The following RBM45 variants were observed in gnomAD, a reference collection of about 807,000 sequenced individuals.
The protein encoded by RBM45 is RNA binding motif protein 45, also known as RNA-binding protein 45.
In RBM45, 39 loss-of-function variants were observed where a neutral mutation model predicts 58.5. The ratio of observed to expected loss-of-function variants is 0.67; its 90% CI spans 0.52 to 0.87. The LOEUF (loss-of-function observed/expected upper bound fraction) is 0.87. Among genes scored for constraint, RBM45 ranks in the 40% least tolerant of loss-of-function variants. The probability of loss-of-function intolerance (pLI) is 0.00; values close to 1 mark genes in which losing one functional copy is unlikely to be tolerated. For synonymous variants in RBM45, 193 were observed against 203.0 expected (o/e 0.95, Z 0.42); for missense variants, 481 against 581.6 (o/e 0.83, Z 1.78).
intron 9 of RBM45, among the ~76,000 whole-genome samples, chr2:178,127,999 T>TTG (rs2087956174): frequency 7.2e-6 from 1 of 138,370 alleles, no homozygotes; most frequent in Admixed American, 7.3e-5. Flanking sequence ...ACGCCCTTTT[T>TTG]TTTTTTTTTT....
chr2:178,134,934 G>A (rs772779767), intron 3 of RBM45, among the ~76,000 whole-genome samples: 6 of 152,212 alleles, frequency 3.9e-5, no homozygotes, highest in Non-Finnish European at 7.3e-5. Flanking sequence ...GAAGGAGGCT[G>A]ACGCGGAGGT....
chr2:178,131,628 CCTAGT>C (rs2088006556), downstream of RBM45, among the ~76,000 whole-genome samples: 1 of 152,178 alleles, frequency 6.6e-6, no homozygotes, highest in Non-Finnish European at 1.5e-5. Context: ...TTCTTTGAAT[CCTAGT>C]ATAAATTCTA....
At chr2:178,129,014 A>G (rs917150311) in intron 9 of RBM45, among the ~76,000 whole-genome samples, 3 of 152,206 alleles carry the variant, frequency 2.0e-5, no homozygotes, top group African/African-American at 4.8e-5. Context: ...TCTCTGAGGT[A>G]TGGGCCTGGG....
downstream of RBM45, among the ~76,000 whole-genome samples, chr2:178,134,219 G>T (rs2153907563): frequency 6.6e-6 from 1 of 152,296 alleles, no homozygotes; most frequent in Middle Eastern, 3.4e-3. Context: ...TGACCAAAAT[G>T]CTGCAGAAGT....
chr2:178,117,782 T>TAAC (rs2087796783), intron 2 of RBM45, among the ~76,000 whole-genome samples: 1 of 152,200 alleles, frequency 6.6e-6, no homozygotes, highest in African/African-American at 2.4e-5. Context: ...CTCTGGCTCT[T>TAAC]AACCACTGTT....
At chr2:178,115,457 A>G (rs1377962753) in intron 1 of RBM45, among the ~76,000 whole-genome samples, 3 of 152,106 alleles carry the variant, frequency 2.0e-5, no homozygotes, top group Non-Finnish European at 4.4e-5. Context: ...TATCAGCCAC[A>G]AGACTCTAGT....
At chr2:178,125,050 T>C (rs1385498632) in intron 8 of RBM45, among the ~76,000 whole-genome samples, 2 of 152,202 alleles carry the variant, frequency 1.3e-5, no homozygotes, top group Non-Finnish European at 2.9e-5. Flanking sequence ...GTTAGTGAAT[T>C]TGATAGACAG....
At chr2:178,133,069 T>C (rs1308971460), downstream of RBM45, among the ~76,000 whole-genome samples, 1 of 152,148 alleles carries the variant, frequency 6.6e-6, no homozygotes, top group East Asian at 1.9e-4. Flanking sequence ...TGTTGGACCT[T>C]AGGTTGGACT....
intron 9 of RBM45, among the ~76,000 whole-genome samples, chr2:178,127,629 T>G (rs1317299319): frequency 6.6e-6 from 1 of 152,196 alleles, no homozygotes; most frequent in Non-Finnish European, 1.5e-5. Flanking sequence ...CCATACATTG[T>G]TAGCAATTTA....
chr2:178,138,741 G>A (rs772456623), exon 4 of RBM45: 1 of 151,942 alleles, frequency 6.6e-6, no homozygotes, highest in Non-Finnish European at 1.5e-5. Flanking sequence ...GAAGGTAATT[G>A]TAAATTTCAT....
rs1173343562 is a variant in RBM45 at position 178,129,549 on chromosome 2, A to G, written c.*161A>G. On this transcript the variant is annotated 3_prime_UTR_variant, in exon 10 of 10. Transcript: ENST00000286070. ...TGTCTGGGAAGCAGGGATTGCTGAC[A>G]TGTATTTTTGAATCCATACATTAAT... 6.6e-6 allele frequency: 1 copy of G among 152,598 alleles called. No homozygotes were observed. Among genetic ancestry groups the G allele is most frequent in the Non-Finnish European group, 1.5e-5 (1 of 68,038 alleles). 9.5% of individuals were successfully genotyped at this position (152,598 alleles called of 1,614,324 possible). A position where few individuals can be genotyped will look rare whatever the true frequency, so the allele number is the denominator to read the frequency against.
At chr2:178,134,130 A>G (rs1269616007), downstream of RBM45, among the ~76,000 whole-genome samples, 2 of 152,216 alleles carry the variant, frequency 1.3e-5, no homozygotes, top group Non-Finnish European at 2.9e-5. Flanking sequence ...TGAATTGAAG[A>G]CAGTATCTGG....
chr2:178,118,127 G>A lies in RBM45; in HGVS notation c.496G>A (p.Val166Ile), dbSNP rs372587667. The change falls in exon 3 of 10, where the codon GTA (valine) becomes ATA (isoleucine). Residue 166 changes from valine to isoleucine, a missense_variant. Val to Ile is a conservative substitution (Grantham distance 29). Coordinates refer to ENST00000286070, the MANE Select transcript of RBM45 (RefSeq NM_152945.4). ...VTGESKGLGY[V>I]RYLKPSQAAQ... Reference sequence around the variant, plus strand: ...TGGAGAAAGTAAAGGTTTGGGCTACGTACGATACTTAAAACCATCACAAGC... The same window carrying A: ...TGGAGAAAGTAAAGGTTTGGGCTACATACGATACTTAAAACCATCACAAGC... The A allele has an allele frequency of 6.2e-6, 10 of 1,612,736 alleles. No homozygotes were observed. The highest frequency in any genetic ancestry group is 2.2e-5 in the South Asian group (2 of 90,936).
chr2:178,129,212 A>T (rs1286501054), intron 9 of RBM45, among the ~76,000 whole-genome samples, 185 bp from the exon 10 acceptor site: 1 of 152,218 alleles, frequency 6.6e-6, no homozygotes, highest in Non-Finnish European at 1.5e-5. Flanking sequence ...TCCCTCTAGA[A>T]ATTCAGCACC....
At chr2:178,112,928 G>A (rs2087724505) in intron 1 of RBM45, 82 bp downstream of exon 1, 1 of 1,430,978 alleles carries the variant, frequency 7.0e-7, no homozygotes, top group Non-Finnish European at 9.5e-7. Context: ...CTGCCGGGGT[G>A]AGGGAGGAGT....
At chr2:178,129,975 G>A (rs1161825111), downstream of RBM45, among the ~76,000 whole-genome samples, 1 of 152,102 alleles carries the variant, frequency 6.6e-6, no homozygotes, top group Admixed American at 6.6e-5. Context: ...AAAATCATTG[G>A]AAATATTTTG....
At chr2:178,122,715 T>C (rs2087871134) in intron 5 of RBM45, among the ~76,000 whole-genome samples, 1 of 152,216 alleles carries the variant, frequency 6.6e-6, no homozygotes, top group South Asian at 2.1e-4. Context: ...TTTTTATTAA[T>C]AGAGGTGTCA....
chr2:178,134,797 G>C (rs1373147674), intron 3 of RBM45, among the ~76,000 whole-genome samples: 1 of 152,084 alleles, frequency 6.6e-6, no homozygotes, highest in Admixed American at 6.6e-5. Context: ...TTTGAGACCA[G>C]CCTGGCCAAC....
At chr2:178,125,059 A>G (rs961610575) in intron 8 of RBM45, among the ~76,000 whole-genome samples, 16 of 152,318 alleles carry the variant, frequency 1.1e-4, no homozygotes, top group Admixed American at 3.3e-4. Flanking sequence ...TTTGATAGAC[A>G]GGAAGCTTGT....
Sources: allele counts gnomAD v4.1 joint callset (sites outside exome capture counted in the v4.1 genomes callset), GRCh38; gene constraint gnomAD v4.1.1; transcripts MANE v1.5; gene names NCBI Gene and HGNC (gene_info 2026-07-23, HGNC 2026-07-21).